The following AKR1D1 variants were observed in gnomAD, a reference collection of about 807,000 sequenced individuals.
AKR1D1 encodes delta(4)-3-ketosteroid 5-beta-reductase.
In AKR1D1, 32 loss-of-function variants were observed where a neutral mutation model predicts 42.6. That is an observed-to-expected ratio of 0.75 (90% CI 0.57 to 1.01). AKR1D1 has a LOEUF of 1.01. AKR1D1 is among the 50% of genes least tolerant of loss of function. The pLI is 0.00. For synonymous variants in AKR1D1, 123 were observed against 135.5 expected, an observed-to-expected ratio of 0.91 and a Z score of 0.64; for missense variants, 364 against 402.2, an observed-to-expected ratio of 0.91 and a Z score of 0.81.
rs571482145 is a variant in AKR1D1 at position 138,111,063 on chromosome 7, C to A, written c.856-2627C>A. Reference sequence around the variant, plus strand: ...ACTTCCTCTCCCATAAGAATCTTGTCCTATATATTTCAGCCACTAATTCCC... The same window carrying A: ...ACTTCCTCTCCCATAAGAATCTTGTACTATATATTTCAGCCACTAATTCCC... On this transcript the variant is annotated intron_variant, in intron 7 of 8. Coordinates refer to ENST00000242375, the MANE Select transcript of AKR1D1 (RefSeq NM_005989.4). Among the ~76,000 whole-genome samples the A allele has an allele frequency of 8.5e-5, 13 of 152,226 alleles. No individual in the cohort carries two copies. The South Asian group carries it at 2.7e-3, about 32-fold the overall frequency.
Position 138,097,959 on chromosome 7 carries a change from C to T in AKR1D1, c.456+16C>T. 6.3e-7 allele frequency: 1 copy of T among 1,585,820 alleles called. No homozygotes were observed. The highest frequency in any genetic ancestry group is 8.7e-7 in the Non-Finnish European group (1 of 1,155,826). ...CACTTGGGAGGTAAGTTCAAATGTG[C>T]TTCTTATTTTAAAAGACGATATTTT... On this transcript the variant is annotated intron_variant, in intron 4 of 8. Transcript: ENST00000242375.
At chr7:138,097,479 A>C (rs948098042) in intron 3 of AKR1D1, among the ~76,000 whole-genome samples, 3 of 152,258 alleles carry the variant, frequency 2.0e-5, no homozygotes, top group African/African-American at 7.2e-5. Context: ...TTACACAGTC[A>C]CAAGGCAAAG....
At chr7:138,114,679 A>AT (rs1794600434) in intron 8 of AKR1D1, among the ~76,000 whole-genome samples, 1 of 132,210 alleles carries the variant, frequency 7.6e-6, no homozygotes, top group African/African-American at 2.7e-5. Flanking sequence ...AAAAAAAAAA[A>AT]GAATATATTT....
intron 7 of AKR1D1, 117 bp downstream of exon 7, chr7:138,107,697 A>T: frequency 8.8e-7 from 1 of 1,142,764 alleles, no homozygotes; most frequent in South Asian, 1.3e-5. Flanking sequence ...ATTTTATACC[A>T]GCCCCTTGAC....
chr7:138,113,153 C>T (rs537363297), intron 7 of AKR1D1, among the ~76,000 whole-genome samples: 1 of 151,952 alleles, frequency 6.6e-6, no homozygotes, highest in East Asian at 1.9e-4. Context: ...CCCATCTCTA[C>T]AAAAATTGAA....
At chr7:138,076,658 C>A in intron 1 of AKR1D1, 47 bp downstream of exon 1, 1 of 1,492,330 alleles carries the variant, frequency 6.7e-7, no homozygotes. Context: ...TTTCTTTTAA[C>A]ATTTGCCTAT....
chr7:138,095,387 C>T (rs1794164610), intron 3 of AKR1D1, among the ~76,000 whole-genome samples: 1 of 152,214 alleles, frequency 6.6e-6, no homozygotes, highest in South Asian at 2.1e-4. Context: ...CTGTTCCCTG[C>T]TCTCAGGGAG....
intron 1 of AKR1D1, among the ~76,000 whole-genome samples, chr7:138,082,137 T>G (rs949811420): frequency 6.6e-6 from 1 of 152,228 alleles, no homozygotes; most frequent in African/African-American, 2.4e-5. Context: ...GGATCATTTC[T>G]GCTGATTTAC....
At chr7:138,105,257 C>T (rs1794396979) in intron 4 of AKR1D1, 50 bp from the exon 5 acceptor site, 1 of 1,613,536 alleles carries the variant, frequency 6.2e-7, no homozygotes, top group African/African-American at 1.3e-5. Context: ...AACATTCATT[C>T]TTGCTTCTTG....
At chr7:138,105,488 A>G (rs1324536208) in intron 5 of AKR1D1, 59 bp downstream of exon 5, 4 of 1,609,554 alleles carry the variant, frequency 2.5e-6, no homozygotes, top group Non-Finnish European at 3.4e-6. Context: ...TACATGACAC[A>G]AAGAAGCCTC....
intron 2 of AKR1D1, among the ~76,000 whole-genome samples, chr7:138,089,099 G>A (rs563001686): frequency 2.0e-5 from 3 of 152,068 alleles, no homozygotes; most frequent in Non-Finnish European, 4.4e-5. Context: ...CCTCTAATCC[G>A]CACTTCGGGA....
intron 3 of AKR1D1, among the ~76,000 whole-genome samples, chr7:138,095,587 A>G (rs1242979939): frequency 6.6e-6 from 1 of 152,134 alleles, no homozygotes; most frequent in Non-Finnish European, 1.5e-5. Context: ...GTGCAGTGGC[A>G]TGATCTCGGC....
chr7:138,080,270 A>G (rs980094986), intron 1 of AKR1D1, among the ~76,000 whole-genome samples: 2 of 152,168 alleles, frequency 1.3e-5, no homozygotes, highest in Non-Finnish European at 2.9e-5. Flanking sequence ...AGGTATCTCT[A>G]TGTTGCCCAG....
intron 4 of AKR1D1, among the ~76,000 whole-genome samples, chr7:138,100,871 A>AT (rs1794293462): frequency 6.6e-6 from 1 of 151,320 alleles, no homozygotes; most frequent in Non-Finnish European, 1.5e-5. Context: ...CGCCTGGCTA[A>AT]TTTTTTGTAC....
At chr7:138,099,873 GA>G (rs57128808) in intron 4 of AKR1D1, among the ~76,000 whole-genome samples, 109,579 of 140,586 alleles carry the variant, frequency 0.78, 43,028 homozygotes, top group African/African-American at 0.89. Context: ...AATAGTTAAA[GA>G]AAAAAAAAAA....
At chr7:138,091,588 G>A (rs1228009496) in intron 2 of AKR1D1, among the ~76,000 whole-genome samples, 180 bp from the exon 3 acceptor site, 1 of 152,054 alleles carries the variant, frequency 6.6e-6, no homozygotes, top group East Asian at 1.9e-4. Context: ...CCAGCACTTT[G>A]GGAGGCTGAA....
intron 7 of AKR1D1, among the ~76,000 whole-genome samples, chr7:138,112,003 C>T (rs1036379827): frequency 3.3e-5 from 5 of 152,036 alleles, no homozygotes; most frequent in African/African-American, 1.2e-4. Flanking sequence ...AAGTCACACT[C>T]TTTTGACATA....
intron 3 of AKR1D1, among the ~76,000 whole-genome samples, chr7:138,096,970 A>G (rs1794196626): frequency 6.6e-6 from 1 of 152,134 alleles, no homozygotes; most frequent in African/African-American, 2.4e-5. Context: ...CTCCCTCAAT[A>G]TCCACTTGAA....
chr7:138,113,653 G>C (rs1398383456), intron 7 of AKR1D1, 37 bp from the exon 8 acceptor site: 6 of 1,587,532 alleles, frequency 3.8e-6, no homozygotes, highest in Non-Finnish European at 5.2e-6. Context: ...TCCCAAGCTT[G>C]ACCTTCAAAA....
Sources: gnomAD v4.1 joint callset for allele counts (sites outside exome capture counted in the v4.1 genomes callset) on GRCh38, gnomAD v4.1.1 for gene constraint, MANE v1.5 for transcripts, NCBI Gene and HGNC (gene_info 2026-07-23, HGNC 2026-07-21) for gene names.